FAT3: variants seen among roughly 807,000 people sequenced by gnomAD.
FAT3 encodes protocadherin Fat 3.
Under a neutral mutation model 310.2 loss-of-function variants are expected in FAT3, and 95 were observed. That is an observed-to-expected ratio of 0.31 (90% CI 0.26 to 0.36). FAT3 has a LOEUF of 0.36. Among genes scored for constraint, FAT3 ranks in the 10% least tolerant of loss-of-function variants. The probability of loss-of-function intolerance (pLI) is 1.00; values close to 1 mark genes in which losing one functional copy is unlikely to be tolerated. For missense variants in FAT3, 5,408 were observed against 5,715.6 expected, an observed-to-expected ratio of 0.95 and a Z score of 1.74; for synonymous variants, 2,314 against 2,192.9, an observed-to-expected ratio of 1.06 and a Z score of -1.54.
intron 22 of FAT3, among the ~76,000 whole-genome samples, chr11:92,878,289 G>A (rs1949579770): frequency 6.6e-6 from 1 of 152,042 alleles, no homozygotes; most frequent in African/African-American, 2.4e-5. Context: ...CCCATATTAT[G>A]GAGAGTAATA....
In FAT3 at chr11:92,667,138, C is replaced by CAAG. The variant is rs1176396586; in HGVS notation, c.3608-30246_3608-30245insAAG. ...AGATGAAGGAGTGATGCCTAAGGTT[C>CAAG]TACTTGTAACTTTCATATCTGTGAT... On this transcript the variant is annotated intron_variant, in intron 3 of 27. Coordinates refer to ENST00000525166, the MANE Select transcript of FAT3 (RefSeq NM_001367949.2). Among the ~76,000 whole-genome samples, 15 of 152,200 alleles carry CAAG rather than the reference C, an allele frequency of 9.9e-5. No homozygotes were observed. The East Asian group carries it at 2.7e-3, about 28-fold the overall frequency.
chr11:92,340,111 CAAAAAAAAAAAA>C (rs56378818), intron 1 of FAT3, among the ~76,000 whole-genome samples: 3 of 49,152 alleles, frequency 6.1e-5, no homozygotes, highest in Non-Finnish European at 1.2e-4. Context: ...GACTCCATCT[CAAAAAAAAAAAA>C]AAAAAAAAAA....
intron 13 of FAT3, among the ~76,000 whole-genome samples, chr11:92,829,508 C>T (rs550478839): frequency 3.2e-4 from 48 of 152,322 alleles, no homozygotes; most frequent in African/African-American, 1.1e-3. Context: ...CCTATTCTGA[C>T]ACCCAGACAG....
intron 3 of FAT3, among the ~76,000 whole-genome samples, chr11:92,565,257 A>G (rs1373842912): frequency 6.6e-6 from 1 of 151,594 alleles, no homozygotes; most frequent in African/African-American, 2.4e-5. Context: ...TACTACAAAC[A>G]CCTCTACGCA....
At chr11:92,487,734 T>C (rs939081963) in intron 2 of FAT3, among the ~76,000 whole-genome samples, 5 of 152,216 alleles carry the variant, frequency 3.3e-5, no homozygotes, top group Non-Finnish European at 7.3e-5. Flanking sequence ...ACCTCAATGT[T>C]AAACTGTATA....
At chr11:92,818,213 A>G (rs949360747) in intron 13 of FAT3, among the ~76,000 whole-genome samples, 3 of 152,186 alleles carry the variant, frequency 2.0e-5, no homozygotes, top group African/African-American at 7.2e-5. Flanking sequence ...GGAAAACAAT[A>G]TACATTCAGC....
At chr11:92,762,801 A>T (rs1591700221) in intron 5 of FAT3, among the ~76,000 whole-genome samples, 3 of 152,018 alleles carry the variant, frequency 2.0e-5, no homozygotes, top group African/African-American at 7.2e-5. Context: ...GATCCCAACC[A>T]CTTTAGCCAG....
chr11:92,446,104 A>G (rs1173299096), intron 2 of FAT3, among the ~76,000 whole-genome samples: 1 of 152,178 alleles, frequency 6.6e-6, no homozygotes, highest in Non-Finnish European at 1.5e-5. Context: ...ATTGACCTAA[A>G]GTCACTGATC....
intron 9 of FAT3, among the ~76,000 whole-genome samples, chr11:92,793,261 G>T (rs1181020571): frequency 6.6e-6 from 1 of 152,128 alleles, no homozygotes; most frequent in Non-Finnish European, 1.5e-5. Flanking sequence ...AAATTTAGTG[G>T]CTTTTACCTG....
At chr11:92,435,568 CT>C (rs375065009) in intron 2 of FAT3, among the ~76,000 whole-genome samples, 255 of 92,626 alleles carry the variant, frequency 2.8e-3, no homozygotes, top group Middle Eastern at 6.3e-3. Context: ...TATTCTTTCT[CT>C]TTTTTTTTTT....
chr11:92,432,837 TG>T (rs1249302830), intron 2 of FAT3, among the ~76,000 whole-genome samples: 1 of 152,186 alleles, frequency 6.6e-6, no homozygotes, highest in Non-Finnish European at 1.5e-5. Context: ...TGCCCATAGC[TG>T]CCCCTTTCCT....
At chr11:92,311,938 A>G (rs1947315030) in intron 1 of FAT3, among the ~76,000 whole-genome samples, 1 of 152,112 alleles carries the variant, frequency 6.6e-6, no homozygotes, top group Admixed American at 6.6e-5. Flanking sequence ...AACCTTAAAC[A>G]TTTCCCCTTC....
intron 3 of FAT3, among the ~76,000 whole-genome samples, chr11:92,641,468 C>T (rs970643356): frequency 5.3e-5 from 8 of 152,206 alleles, no homozygotes; most frequent in African/African-American, 1.9e-4. Flanking sequence ...CATGCCCTCT[C>T]TGAAGGCTCT....
intron 2 of FAT3, among the ~76,000 whole-genome samples, chr11:92,361,331 A>G (rs1171736542): frequency 6.6e-6 from 1 of 152,180 alleles, no homozygotes; most frequent in African/African-American, 2.4e-5. Flanking sequence ...AGAAAAGAAT[A>G]TTCCTTGTTA....
At chr11:92,756,225 T>G (rs1169629588) in intron 4 of FAT3, among the ~76,000 whole-genome samples, 1 of 152,208 alleles carries the variant, frequency 6.6e-6, no homozygotes, top group Non-Finnish European at 1.5e-5. Flanking sequence ...TATGCTATCG[T>G]TTTTCTTGTA....
At chr11:92,351,159 C>T (rs1023080347) in intron 1 of FAT3, among the ~76,000 whole-genome samples, 1 of 152,122 alleles carries the variant, frequency 6.6e-6, no homozygotes, top group Non-Finnish European at 1.5e-5. Flanking sequence ...ATCACTCTTA[C>T]CTCCCTTGTT....
In FAT3 at chr11:92,797,943, A is replaced by G; in HGVS notation, c.4930A>G (p.Thr1644Ala). 1 of 1,613,932 alleles carries G rather than the reference A, an allele frequency of 6.2e-7. No homozygotes were observed. Among genetic ancestry groups the G allele is most frequent in the Non-Finnish European group, 8.5e-7 (1 of 1,179,842 alleles). ...MGQFVLSIKV[T>A]DQGSPPMSAT... is the part of the protein sequence containing the mutation. Reference sequence around the variant, plus strand: ...TCAGTTTGTCCTATCCATCAAAGTCACAGATCAGGGATCCCCGCCAATGTC... The same window carrying G: ...TCAGTTTGTCCTATCCATCAAAGTCGCAGATCAGGGATCCCCGCCAATGTC... The change falls in exon 10 of 28, where the codon ACA (threonine) becomes GCA (alanine). Residue 1644 changes from threonine (T) to alanine (A), a missense_variant. By Grantham distance (58) the Thr-to-Ala change is moderately conservative. This residue lies in a region of FAT3 where 4,588 missense variants were observed against 4,809.8 expected (regional missense o/e 0.95). Coordinates refer to ENST00000525166, the MANE Select transcript of FAT3 (RefSeq NM_001367949.2).
intron 3 of FAT3, among the ~76,000 whole-genome samples, chr11:92,563,528 C>T (rs1955308713): frequency 6.6e-6 from 1 of 152,102 alleles, no homozygotes; most frequent in South Asian, 2.1e-4. Context: ...AAGTTTCAGT[C>T]AAGAGATATG....
At chr11:92,302,001 T>A (rs1354767576) in intron 1 of FAT3, among the ~76,000 whole-genome samples, 1 of 152,056 alleles carries the variant, frequency 6.6e-6, no homozygotes, top group Non-Finnish European at 1.5e-5. Flanking sequence ...GCTGAAACTC[T>A]GCTTCAGGGA....
Sources: gnomAD v4.1 joint callset for allele counts (sites outside exome capture counted in the v4.1 genomes callset) on GRCh38, gnomAD v4.1.1 for gene constraint, gnomAD v4.1.1 regional missense constraint, MANE v1.5 for transcripts, NCBI Gene and HGNC (gene_info 2026-07-23, HGNC 2026-07-21) for gene names.